The following ABCB5 variants were observed in gnomAD, a reference collection of about 807,000 sequenced individuals.
ABCB5 encodes the protein ATP binding cassette subfamily B member 5.
Under a neutral mutation model 144.2 loss-of-function variants are expected in ABCB5, and 155 were observed. That is an observed-to-expected ratio of 1.08 (90% CI 0.94 to 1.23). The LOEUF (loss-of-function observed/expected upper bound fraction) is 1.23. Ranked by LOEUF, ABCB5 falls within the 50% of genes most tolerant of loss-of-function variation. The pLI, the probability that ABCB5 is intolerant of heterozygous loss-of-function variation, is 0.00. For synonymous variants in ABCB5, 610 were observed against 528.6 expected (o/e 1.15, Z -2.11); for missense variants, 1,830 against 1,520.8 (o/e 1.20, Z -3.38).
At chr7:20,704,449 G>T (rs6960526) in intron 19 of ABCB5, among the ~76,000 whole-genome samples, 135,572 of 152,234 alleles carry the variant, frequency 0.89, 60,614 homozygotes, top group African/African-American at 0.97. Flanking sequence ...CTTGATGGTT[G>T]AAAATGACCA....
rs117497357 is a variant in ABCB5 at position 20,728,454 on chromosome 7, A to T, written c.2866A>T (p.Ile956Leu). The change falls in exon 23 of 28, where the codon ATA (isoleucine) becomes TTA (leucine). Residue 956 changes from isoleucine to leucine, a missense_variant and splice_region_variant. Ile to Leu is a conservative substitution (Grantham distance 5, BLOSUM62 2). Coordinates refer to ENST00000404938, the MANE Select transcript of ABCB5 (RefSeq NM_001163941.2). ...AGRMTPEGMF[I>L]VFTAIAYGAM... ...ACGAATGACCCCAGAGGGCATGTTC[A>T]TGTAAGTCGTGGAAATAGTCCGGAC... 0.039 allele frequency: 63,510 copies of T among 1,613,890 alleles called. 1,482 individuals are homozygous for T. Among genetic ancestry groups the T allele is most frequent in the Middle Eastern group, 0.056 (340 of 6,062 alleles).
chr7:20,704,712 C>T lies in ABCB5; in HGVS notation c.2338-12C>T. ...TTTTTGACAACCATATGTTAATTCTCCTTTTCTCTAGGATATTGCCTGGTT... is the reference window on the plus strand; with the variant it reads ...TTTTTGACAACCATATGTTAATTCTTCTTTTCTCTAGGATATTGCCTGGTT... On this transcript the variant is annotated splice_polypyrimidine_tract_variant and intron_variant, in intron 19 of 27. Coordinates refer to ENST00000404938, the MANE Select transcript of ABCB5 (RefSeq NM_001163941.2). 1.2e-6 allele frequency: 2 copies of T among 1,607,668 alleles called. No homozygotes were observed. The highest frequency in any genetic ancestry group is 8.5e-7 in the Non-Finnish European group (1 of 1,176,870).
Position 20,747,775 on chromosome 7 carries a change from T to C in ABCB5, c.3429+2337T>C, listed in dbSNP as rs569799641. On this transcript the variant is annotated intron_variant, in intron 26 of 27. Transcript: ENST00000404938. Reference sequence around the variant, plus strand: ...CTTTAATTTACCTTCATGTCATTGTTCCCCCAAAAACACGTAGAAAAATAA... The same window carrying C: ...CTTTAATTTACCTTCATGTCATTGTCCCCCCAAAAACACGTAGAAAAATAA... Among the ~76,000 whole-genome samples, 11 of 151,964 alleles carry C rather than the reference T, an allele frequency of 7.2e-5. No individual in the cohort carries two copies. In the South Asian group the frequency reaches 2.3e-3, roughly 32 times the overall value.
intron 4 of ABCB5, among the ~76,000 whole-genome samples, chr7:20,631,440 A>G (rs1417332857): frequency 1.3e-5 from 2 of 152,180 alleles, no homozygotes; most frequent in Middle Eastern, 3.2e-3. Context: ...ATAGAAGTTT[A>G]AGGAATAAAA....
intron 25 of ABCB5, among the ~76,000 whole-genome samples, chr7:20,743,433 C>T (rs888640571): frequency 3.9e-5 from 6 of 152,102 alleles, no homozygotes; most frequent in Admixed American, 1.3e-4. Context: ...TGTCCTCCAC[C>T]TCCTTAGTTC....
intron 20 of ABCB5, among the ~76,000 whole-genome samples, chr7:20,712,915 C>A (rs77229821): frequency 0.025 from 3,746 of 149,576 alleles, 375 homozygotes; most frequent in African/African-American, 0.083. Flanking sequence ...GAGAACACTT[C>A]AAATCTATTT....
intron 2 of ABCB5, 47 bp from the exon 3 acceptor site, chr7:20,626,510 A>G (rs1783912569): frequency 2.6e-6 from 4 of 1,551,862 alleles, no homozygotes; most frequent in Non-Finnish European, 2.6e-6. Flanking sequence ...AATTTTGCAA[A>G]TTATATTCAC....
chr7:20,625,408 G>C (rs932265882), intron 2 of ABCB5, among the ~76,000 whole-genome samples: 3 of 152,154 alleles, frequency 2.0e-5, no homozygotes, highest in African/African-American at 7.2e-5. Context: ...GTAACTGACA[G>C]ATTGCTGTGA....
Position 20,755,578 on chromosome 7 carries a change from A to T in ABCB5, c.3728A>T (p.Asn1243Ile), listed in dbSNP as rs1182886653. 1 of 1,614,214 alleles carries T rather than the reference A, an allele frequency of 6.2e-7. No homozygotes were observed. ...GGAACTCATCAAGAGCTCCTGAGAA[A>T]TCGAGACATATATTTTAAGTTAGTG... ...EQGTHQELLR[N>I]RDIYFKLVNA... is the part of the protein sequence containing the mutation. The change falls in exon 28 of 28, where the codon AAT becomes ATT. Residue 1243 changes from asparagine (N) to isoleucine (I), a missense_variant. Coordinates refer to ENST00000404938, the MANE Select transcript of ABCB5 (RefSeq NM_001163941.2).
chr7:20,725,010 A>G (rs957063529), intron 21 of ABCB5, among the ~76,000 whole-genome samples: 1 of 152,206 alleles, frequency 6.6e-6, no homozygotes, highest in Non-Finnish European at 1.5e-5. Context: ...CAATTTCTAA[A>G]TTAATGAGGC....
At chr7:20,626,741 A>C in intron 3 of ABCB5, 130 bp downstream of exon 3, 1 of 759,722 alleles carries the variant, frequency 1.3e-6, no homozygotes, top group East Asian at 3.2e-5. Context: ...TAATTCATTA[A>C]AGTATGATTT....
chr7:20,733,064 G>A (rs1209562407), intron 23 of ABCB5, among the ~76,000 whole-genome samples: 1 of 152,076 alleles, frequency 6.6e-6, no homozygotes, highest in Non-Finnish European at 1.5e-5. Context: ...TTACAGATGA[G>A]AACAATTAAG....
At chr7:20,686,036 A>G (rs931905046) in intron 16 of ABCB5, among the ~76,000 whole-genome samples, 200 bp downstream of exon 16, 1 of 152,142 alleles carries the variant, frequency 6.6e-6, no homozygotes, top group African/African-American at 2.4e-5. Flanking sequence ...TTTATATCAG[A>G]GGCCCTTCTT....
intron 5 of ABCB5, among the ~76,000 whole-genome samples, chr7:20,642,250 T>C (rs1365594750): frequency 1.3e-5 from 2 of 152,234 alleles, no homozygotes; most frequent in African/African-American, 2.4e-5. Flanking sequence ...CATTATTTCT[T>C]ACCACTTTGG....
rs1784601153 is a variant in ABCB5, at chr7:20,651,710, C to A, written c.1536+87C>A. 6 of 1,352,724 alleles carry A rather than the reference C, an allele frequency of 4.4e-6. No homozygotes were observed. In the East Asian group the frequency reaches 9.2e-5, roughly 21 times the overall value. 83.8% of individuals were successfully genotyped at this position (1,352,724 alleles called of 1,614,324 possible). ...TAAGGTAATGAAACAACAACTGATG[C>A]AGAATAGTAGGGGTGTGATTAAATT... On this transcript the variant is annotated intron_variant, in intron 13 of 27. Coordinates refer to ENST00000404938, the MANE Select transcript of ABCB5 (RefSeq NM_001163941.2).
chr7:20,739,758 C>G (rs997295653), intron 24 of ABCB5, among the ~76,000 whole-genome samples: 1 of 151,668 alleles, frequency 6.6e-6, no homozygotes, highest in Non-Finnish European at 1.5e-5. Context: ...AAATAATATT[C>G]TGCTGCTTCA....
intron 13 of ABCB5, among the ~76,000 whole-genome samples, chr7:20,652,251 C>A (rs1271017791): frequency 6.6e-6 from 1 of 152,100 alleles, no homozygotes; most frequent in Non-Finnish European, 1.5e-5. Context: ...TTTTAAAGCA[C>A]AGGAAGCTAA....
chr7:20,739,610 C>G (rs1782497123), intron 24 of ABCB5, among the ~76,000 whole-genome samples: 1 of 151,346 alleles, frequency 6.6e-6, no homozygotes, highest in African/African-American at 2.4e-5. Flanking sequence ...ATTTATATGC[C>G]TGATGCTATG....
At chr7:20,690,944 T>C (rs1027568444) in intron 16 of ABCB5, among the ~76,000 whole-genome samples, 11 of 152,136 alleles carry the variant, frequency 7.2e-5, no homozygotes, top group African/African-American at 2.7e-4. Context: ...TCAACCAAGA[T>C]AGATTAACAG....
Sources: gnomAD v4.1 joint callset for allele counts (sites outside exome capture counted in the v4.1 genomes callset) on GRCh38, gnomAD v4.1.1 for gene constraint, MANE v1.5 for transcripts, NCBI Gene and HGNC (gene_info 2026-07-23, HGNC 2026-07-21) for gene names.